DAB1: variants seen among roughly 807,000 people sequenced by gnomAD.
The protein encoded by DAB1 is disabled homolog 1.
DAB1 carries 15 observed loss-of-function variants against 64.6 expected under a neutral mutation model. The observed-to-expected ratio is 0.23, with a 90% CI of 0.16 to 0.36. The LOEUF (loss-of-function observed/expected upper bound fraction) is 0.36. DAB1 is among the 10% of genes least tolerant of loss of function. The pLI, the probability that DAB1 is intolerant of heterozygous loss-of-function variation, is 1.00. For synonymous variants in DAB1, 235 were observed against 251.9 expected (o/e 0.93, Z 0.64); for missense variants, 596 against 706.7 (o/e 0.84, Z 1.78).
chr1:57,361,441 G>C (rs945770028), intron 1 of DAB1, among the ~76,000 whole-genome samples: 2 of 151,828 alleles, frequency 1.3e-5, no homozygotes, highest in African/African-American at 2.4e-5. Context: ...CAACCAGATG[G>C]TAACATATTG....
At chr1:57,341,515 C>T (rs1174709350) in intron 1 of DAB1, among the ~76,000 whole-genome samples, 1 of 152,116 alleles carries the variant, frequency 6.6e-6, no homozygotes, top group Admixed American at 6.6e-5. Flanking sequence ...TCCTTTTAAC[C>T]CTTCAATTTC....
chr1:57,450,393 G>A (rs934951237), intron 7 of DAB1, among the ~76,000 whole-genome samples: 25 of 152,098 alleles, frequency 1.6e-4, no homozygotes, highest in African/African-American at 5.6e-4. Context: ...AGTCCTTTGC[G>A]ATATTTTTTG....
intron 7 of DAB1, among the ~76,000 whole-genome samples, chr1:57,545,882 GA>G (rs1644850881): frequency 6.6e-6 from 1 of 152,066 alleles, no homozygotes. Flanking sequence ...AATTTTTATT[GA>G]AATGAATATT....
chr1:57,967,897 G>A (rs964795703), intron 5 of DAB1, among the ~76,000 whole-genome samples: 1 of 151,988 alleles, frequency 6.6e-6, no homozygotes, highest in East Asian at 1.9e-4. Context: ...CTTAGCTGTG[G>A]GATCTTAACT....
At chr1:57,606,468 C>T (rs1198764854) in intron 7 of DAB1, among the ~76,000 whole-genome samples, 4 of 80,712 alleles carry the variant, frequency 5.0e-5, no homozygotes, top group Admixed American at 1.6e-4. Context: ...ATATATAATA[C>T]ATATGAAATA....
Position 57,014,956 on chromosome 1 carries a change from G to A in DAB1, c.1371C>T (p.Asp457=), listed in dbSNP as rs368712456. The stretch of plus-strand genomic sequence containing the variant: ...GGGAGATGTCAAAGTCATCACAGTC[G>A]TCTGTATCCTGTGCCACCCCGACTT... ...FNKVGVAQDT[D]DCDDFDISQL... The change falls in exon 12 of 15, where the codon GAC becomes GAT. Residue 457 remains aspartate, a synonymous_variant. Coordinates refer to ENST00000371236, the MANE Select transcript of DAB1 (RefSeq NM_001365792.1). 1.1e-5 allele frequency: 18 copies of A among 1,613,398 alleles called. No individual in the cohort carries two copies. Among genetic ancestry groups the A allele is most frequent in the Middle Eastern group, 1.6e-4 (1 of 6,078 alleles).
chr1:58,118,638 T>A (rs1652543404), intron 5 of DAB1, among the ~76,000 whole-genome samples: 1 of 142,404 alleles, frequency 7.0e-6, no homozygotes, highest in Non-Finnish European at 1.5e-5. Context: ...CATATATATA[T>A]AAAGATCCTG....
At chr1:57,153,627 T>A (rs998948862) in intron 2 of DAB1, among the ~76,000 whole-genome samples, 2 of 123,248 alleles carry the variant, frequency 1.6e-5, no homozygotes, top group African/African-American at 5.8e-5. Flanking sequence ...TATGGGGTTT[T>A]TTTTTTGTTT....
chr1:57,077,290 C>T (rs1010203420), intron 4 of DAB1, among the ~76,000 whole-genome samples: 2 of 152,106 alleles, frequency 1.3e-5, no homozygotes, highest in African/African-American at 4.8e-5. Context: ...AATGTTAGGC[C>T]CTTCAGAGAA....
chr1:58,059,415 A>C (rs1196100432), intron 5 of DAB1, among the ~76,000 whole-genome samples: 1 of 152,260 alleles, frequency 6.6e-6, no homozygotes, highest in Non-Finnish European at 1.5e-5. Context: ...CAAAGTGTTT[A>C]AGACAGTACC....
intron 6 of DAB1, among the ~76,000 whole-genome samples, chr1:57,693,553 G>A (rs1646789689): frequency 6.6e-6 from 1 of 152,146 alleles, no homozygotes; most frequent in Admixed American, 6.5e-5. Context: ...CCAAATAAGG[G>A]ACTAAAAGCT....
intron 4 of DAB1, among the ~76,000 whole-genome samples, chr1:58,323,901 G>T (rs976300705): frequency 6.8e-6 from 1 of 147,820 alleles, no homozygotes; most frequent in Non-Finnish European, 1.5e-5. Flanking sequence ...CTCCAGCCTG[G>T]GCAGCAGAGC....
At chr1:57,263,508 C>G (rs1304819988) in intron 2 of DAB1, among the ~76,000 whole-genome samples, 1 of 152,138 alleles carries the variant, frequency 6.6e-6, no homozygotes, top group Non-Finnish European at 1.5e-5. Flanking sequence ...ACCTAGTAAG[C>G]ACTTATTAAC....
chr1:57,060,444 C>T lies in DAB1; in HGVS notation c.723+2440G>A, dbSNP rs1257807320. Among the ~76,000 whole-genome samples the T allele has an allele frequency of 2.0e-5, 3 of 152,184 alleles. No homozygotes were observed. The East Asian group carries it at 5.8e-4, about 29-fold the overall frequency. On this transcript the variant is annotated intron_variant, in intron 9 of 14. Coordinates refer to ENST00000371236, the MANE Select transcript of DAB1 (RefSeq NM_001365792.1). ...GAATTACAGGCCTGAGCCACCGCCCCTGGCCTTCATATATTTATTAAATGT... is the reference window on the plus strand; with the variant it reads ...GAATTACAGGCCTGAGCCACCGCCCTTGGCCTTCATATATTTATTAAATGT...
chr1:57,047,745 C>A (rs1172279545), intron 9 of DAB1, among the ~76,000 whole-genome samples: 1 of 152,190 alleles, frequency 6.6e-6, no homozygotes, highest in African/African-American at 2.4e-5. Context: ...TATGGTGCAG[C>A]CCCTGCAGCT....
At chr1:58,127,020 T>C (rs1653151725) in intron 5 of DAB1, among the ~76,000 whole-genome samples, 1 of 150,652 alleles carries the variant, frequency 6.6e-6, no homozygotes, top group Non-Finnish European at 1.5e-5. Context: ...TCTAGATCCC[T>C]GAGGAATCGC....
At chr1:57,194,489 A>C (rs1411584338) in intron 2 of DAB1, among the ~76,000 whole-genome samples, 1 of 152,194 alleles carries the variant, frequency 6.6e-6, no homozygotes, top group Admixed American at 6.5e-5. Flanking sequence ...TGATTGCTGC[A>C]AAAGAAAAGA....
intron 2 of DAB1, among the ~76,000 whole-genome samples, chr1:57,220,271 C>T (rs1196596152): frequency 6.6e-6 from 1 of 152,138 alleles, no homozygotes; most frequent in Non-Finnish European, 1.5e-5. Context: ...TTTCCAAGGA[C>T]ACTAGTGGAA....
chr1:57,453,842 T>G (rs887073241), intron 7 of DAB1, among the ~76,000 whole-genome samples: 2 of 152,148 alleles, frequency 1.3e-5, no homozygotes, highest in African/African-American at 2.4e-5. Context: ...TAGTAGACAT[T>G]ACTTCTTTTT....
Sources: allele counts gnomAD v4.1 joint callset (sites outside exome capture counted in the v4.1 genomes callset), GRCh38; gene constraint gnomAD v4.1.1; transcripts MANE v1.5; gene names NCBI Gene and HGNC (gene_info 2026-07-23, HGNC 2026-07-21).